The following ERICH5 variants were observed in gnomAD, a reference collection of about 807,000 sequenced individuals.
ERICH5 encodes the protein glutamate-rich protein 5.
ERICH5 carries 24 observed loss-of-function variants against 28.0 expected under a neutral mutation model. The ratio of observed to expected loss-of-function variants is 0.86; its 90% CI spans 0.62 to 1.21. The LOEUF is 1.21. ERICH5 is among the 50% of genes most tolerant of loss of function. The pLI, the probability that ERICH5 is intolerant of heterozygous loss-of-function variation, is 0.00. For synonymous variants in ERICH5, 163 were observed against 157.6 expected, an observed-to-expected ratio of 1.03 and a Z score of -0.25; for missense variants, 421 against 441.2, an observed-to-expected ratio of 0.95 and a Z score of 0.41.
At chr8:98,078,672 T>C (rs1315520239) in intron 1 of ERICH5, among the ~76,000 whole-genome samples, 2 of 152,194 alleles carry the variant, frequency 1.3e-5, no homozygotes, top group Non-Finnish European at 2.9e-5. Context: ...ATCACAACGG[T>C]GCTTATAACA....
rs1239244940 is a variant in ERICH5 at position 98,076,057 on chromosome 8, A to G, written c.58+11330A>G. ...AGAGTGCAAAGCAGAGCAAGCATTT[A>G]CGCTTTTTGTGAGATGGAGTCTCTC... On this transcript the variant is annotated intron_variant, in intron 1 of 2. Transcript: ENST00000318528. Among the ~76,000 whole-genome samples, 3 of 120,958 alleles carry G rather than the reference A, an allele frequency of 2.5e-5. 1 individual carries two copies. The highest frequency in any genetic ancestry group is 1.0e-4 in the African/African-American group (3 of 29,236). 79.4% of individuals were successfully genotyped at this position (120,958 alleles called of 152,430 possible). A position where few individuals can be genotyped will look rare whatever the true frequency, so the allele number is the denominator to read the frequency against.
In ERICH5 at chr8:98,091,900, C is replaced by CTTTCTTCCTTTCTTT; in HGVS notation, c.1013-1321_1013-1320insTTTCTTCCTTTCTTT. Among the ~76,000 whole-genome samples, 82 of 74,708 alleles carry CTTTCTTCCTTTCTTT rather than the reference C, an allele frequency of 1.1e-3. 2 individuals are homozygous for CTTTCTTCCTTTCTTT. Among genetic ancestry groups the CTTTCTTCCTTTCTTT allele is most frequent in the African/African-American group, 4.2e-3 (75 of 17,842 alleles). The allele number at this position is 74,708 out of a possible 152,430, so 49.0% of individuals were successfully genotyped here. On this transcript the variant is annotated intron_variant, in intron 2 of 2. Transcript: ENST00000318528. ...TCTTTCTTTCTTTCTTTCTTTCTTT[C>CTTTCTTCCTTTCTTT]CTTTCTTTCTTTCTTTCTTCCTTTC...
In ERICH5 at chr8:98,091,916, T is replaced by C. The variant is rs1242151764; in HGVS notation, c.1013-1305T>C. Among the ~76,000 whole-genome samples the C allele has an allele frequency of 1.7e-3, 151 of 90,518 alleles. 1 individual carries two copies. The highest frequency in any genetic ancestry group is 6.8e-3 in the African/African-American group (144 of 21,252). 59.4% of individuals were successfully genotyped at this position (90,518 alleles called of 152,430 possible). Reference sequence around the variant, plus strand: ...TCTTTCTTTCCTTTCTTTCTTTCTTTCTTCCTTTCTTTCTTTCTTCCTTTC... The same window carrying C: ...TCTTTCTTTCCTTTCTTTCTTTCTTCCTTCCTTTCTTTCTTTCTTCCTTTC... On this transcript the variant is annotated intron_variant, in intron 2 of 2. Coordinates refer to ENST00000318528, the MANE Select transcript of ERICH5 (RefSeq NM_173549.3).
At position 98,064,750 on chromosome 8, in the gene ERICH5, C is replaced by T. The variant is rs1814789106; in HGVS notation, c.58+23C>T. 3.3e-6 allele frequency: 5 copies of T among 1,522,470 alleles called. No homozygotes were observed. The African/African-American group carries it at 6.9e-5, about 21-fold the overall frequency. 94.3% of individuals were successfully genotyped at this position (1,522,470 alleles called of 1,614,324 possible). A position where few individuals can be genotyped will look rare whatever the true frequency, so the allele number is the denominator to read the frequency against. ...GCGGTGAGCAGGGTACCGGCGCCGC[C>T]CGCGCCCGGGCTGGGGACTCGGGTG... On this transcript the variant is annotated intron_variant, in intron 1 of 2. Transcript: ENST00000318528.
At chr8:98,088,064 A>G (rs1298749884) in intron 1 of ERICH5, among the ~76,000 whole-genome samples, 1 of 151,984 alleles carries the variant, frequency 6.6e-6, no homozygotes, top group Non-Finnish European at 1.5e-5. Context: ...TCTAAATAGA[A>G]AAGTAAAACA....
intron 1 of ERICH5, among the ~76,000 whole-genome samples, chr8:98,081,747 G>A (rs983402102): frequency 3.3e-5 from 5 of 152,064 alleles, no homozygotes; most frequent in Non-Finnish European, 5.9e-5. Context: ...GAACAACATG[G>A]AGAAACCCCC....
intron 1 of ERICH5, among the ~76,000 whole-genome samples, chr8:98,085,904 G>A (rs1372263520): frequency 2.6e-5 from 4 of 152,174 alleles, no homozygotes; most frequent in Non-Finnish European, 1.5e-5. Flanking sequence ...TTATCGCATG[G>A]GATTGTTTTT....
intron 2 of ERICH5, among the ~76,000 whole-genome samples, chr8:98,091,459 G>A (rs1419362677): frequency 6.6e-6 from 1 of 152,192 alleles, no homozygotes; most frequent in Non-Finnish European, 1.5e-5. Context: ...ATAAAAGCAG[G>A]TAGTTTTTAC....
intron 1 of ERICH5, among the ~76,000 whole-genome samples, chr8:98,076,645 C>A (rs192750213): frequency 1.3e-5 from 2 of 152,262 alleles, no homozygotes; most frequent in African/African-American, 4.8e-5. Context: ...AGGACATCCC[C>A]ATCCAGCAAT....
At chr8:98,091,653 T>C (rs139831365) in intron 2 of ERICH5, among the ~76,000 whole-genome samples, 10 of 152,326 alleles carry the variant, frequency 6.6e-5, no homozygotes, top group African/African-American at 2.4e-4. Context: ...CAAAGCCAAC[T>C]TCTCAGGGAA....
chr8:98,086,527 G>T (rs922437187), intron 1 of ERICH5, among the ~76,000 whole-genome samples: 1 of 152,188 alleles, frequency 6.6e-6, no homozygotes, highest in Non-Finnish European at 1.5e-5. Flanking sequence ...ATAAAAAATT[G>T]TAATAGCTTA....
chr8:98,073,526 A>G (rs527261952), intron 1 of ERICH5, among the ~76,000 whole-genome samples: 13 of 8,672 alleles, frequency 1.5e-3, no homozygotes, highest in Non-Finnish European at 1.8e-3. Flanking sequence ...GTATATATAT[A>G]TATATATATA....
rs943842711 is a variant in ERICH5, at chr8:98,064,617, G to T, written c.-53G>T. On this transcript the variant is annotated 5_prime_UTR_variant, in exon 1 of 3. Transcript: ENST00000318528. ...ACGGGTGCAGTTGCCTTCGGTTCCCGGTTCCGGGCCGACACCCGCGCAGGG... is the reference window on the plus strand; with the variant it reads ...ACGGGTGCAGTTGCCTTCGGTTCCCTGTTCCGGGCCGACACCCGCGCAGGG... 3 of 1,442,198 alleles carry T rather than the reference G, an allele frequency of 2.1e-6. No homozygotes were observed. The highest frequency in any genetic ancestry group is 2.8e-6 in the Non-Finnish European group (3 of 1,081,804). 89.3% of individuals were successfully genotyped at this position (1,442,198 alleles called of 1,614,324 possible).
chr8:98,083,802 A>G (rs1353753436), intron 1 of ERICH5, among the ~76,000 whole-genome samples: 3 of 152,194 alleles, frequency 2.0e-5, no homozygotes, highest in African/African-American at 7.2e-5. Flanking sequence ...ATCTACAACC[A>G]TCTCCAAGAT....
chr8:98,084,598 C>T (rs1420692533), intron 1 of ERICH5, among the ~76,000 whole-genome samples: 1 of 152,036 alleles, frequency 6.6e-6, no homozygotes, highest in Non-Finnish European at 1.5e-5. Flanking sequence ...CCAGGCTGGT[C>T]TCGAACTCCG....
intron 1 of ERICH5, among the ~76,000 whole-genome samples, chr8:98,073,407 T>C (rs1202838837): frequency 1.2e-4 from 2 of 16,814 alleles, no homozygotes; most frequent in Non-Finnish European, 1.9e-4. Context: ...TGAGACCCTC[T>C]CTCTCTCTCT....
chr8:98,068,380 C>T (rs1333630758), intron 1 of ERICH5, among the ~76,000 whole-genome samples: 2 of 152,174 alleles, frequency 1.3e-5, no homozygotes, highest in Non-Finnish European at 2.9e-5. Context: ...ATTAGTGCTC[C>T]TCACAGCGTA....
intron 1 of ERICH5, among the ~76,000 whole-genome samples, chr8:98,073,041 A>G (rs1168557692): frequency 6.6e-6 from 1 of 152,124 alleles, no homozygotes; most frequent in Non-Finnish European, 1.5e-5. Flanking sequence ...TACACCTTGC[A>G]TTAATGTATG....
Position 98,073,456 on chromosome 8 carries a change from AT to A in ERICH5, c.58+8730del, listed in dbSNP as rs1814968432. Among the ~76,000 whole-genome samples, 7 of 9,590 alleles carry A rather than the reference AT, an allele frequency of 7.3e-4. 2 individuals carry two copies. The highest frequency in any genetic ancestry group is 3.4e-3 in the African/African-American group (4 of 1,178). 6.3% of individuals were successfully genotyped at this position (9,590 alleles called of 152,430 possible). On this transcript the variant is annotated intron_variant, in intron 1 of 2. Transcript: ENST00000318528. ...TCTATATATATATATATATATATAT[AT>A]ATGTATATATATATATATATATATA... is the stretch of plus-strand genomic sequence containing the variant.
Sources: allele counts gnomAD v4.1 joint callset (sites outside exome capture counted in the v4.1 genomes callset), GRCh38; gene constraint gnomAD v4.1.1; transcripts MANE v1.5; gene names NCBI Gene and HGNC (gene_info 2026-07-23, HGNC 2026-07-21).